The following ELAVL1 variants were observed in gnomAD, a reference collection of about 807,000 sequenced individuals.
The protein encoded by ELAVL1 is ELAV-like protein 1.
ELAVL1 carries 1 observed loss-of-function variant against 28.4 expected under a neutral mutation model. That is an observed-to-expected ratio of 0.04 (90% CI 0.01 to 0.17). The LOEUF (loss-of-function observed/expected upper bound fraction) is 0.17, where lower values mean the gene tolerates loss of function less well. Ranked by LOEUF, ELAVL1 falls within the 10% of genes least tolerant of loss-of-function variation. The probability of loss-of-function intolerance (pLI) is 1.00; values close to 1 mark genes in which losing one functional copy is unlikely to be tolerated. For synonymous variants in ELAVL1, 174 were observed against 183.5 expected, an observed-to-expected ratio of 0.95 and a Z score of 0.42; for missense variants, 157 against 447.2, an observed-to-expected ratio of 0.35 and a Z score of 5.85.
At chr19:7,996,209 T>C (rs1053983934) in intron 1 of ELAVL1, among the ~76,000 whole-genome samples, 28 of 142,888 alleles carry the variant, frequency 2.0e-4, no homozygotes, top group Non-Finnish European at 3.6e-4. Context: ...TGAAATGGAG[T>C]CTTGCTCTGT....
At chr19:8,001,058 G>A (rs1476307744) in intron 1 of ELAVL1, among the ~76,000 whole-genome samples, 1 of 152,236 alleles carries the variant, frequency 6.6e-6, no homozygotes, top group Non-Finnish European at 1.5e-5. Flanking sequence ...CTACTGTGCA[G>A]AAGTCGCTCC....
At chr19:7,991,932 C>CAT in intron 1 of ELAVL1, 101 bp from the exon 2 acceptor site, 4 of 645,906 alleles carry the variant, frequency 6.2e-6, no homozygotes, top group African/African-American at 2.1e-5. Flanking sequence ...TTCTTTCTTT[C>CAT]TTTTTTTTTT....
intron 2 of ELAVL1, among the ~76,000 whole-genome samples, chr19:7,984,297 T>C (rs1985543512): frequency 6.6e-6 from 1 of 152,014 alleles, no homozygotes; most frequent in Admixed American, 6.6e-5. Flanking sequence ...TGGGGGCAAG[T>C]CAGACAACAT....
At chr19:7,971,965 G>A (rs994334806) in intron 4 of ELAVL1, among the ~76,000 whole-genome samples, 1 of 152,238 alleles carries the variant, frequency 6.6e-6, no homozygotes, top group African/African-American at 2.4e-5. Flanking sequence ...CATGAAAGGC[G>A]AGGCTCTGGG....
At chr19:7,965,280 T>C (rs1984926393) in intron 5 of ELAVL1, among the ~76,000 whole-genome samples, 1 of 152,188 alleles carries the variant, frequency 6.6e-6, no homozygotes, top group Admixed American at 6.5e-5. Context: ...GGGTCTATGT[T>C]GTCCAGGCTG....
Position 7,991,842 on chromosome 19 carries a change from A to T in ELAVL1, c.-16-11T>A. On this transcript the variant is annotated splice_polypyrimidine_tract_variant and intron_variant, in intron 1 of 5. Transcript: ENST00000407627. The stretch of plus-strand genomic sequence containing the variant: ...GTATTTTTCAAAAATCTGCCAAGAG[A>T]AAAAGAGCAAGTAAATTCAAAATGT... 1 of 1,577,406 alleles carries T rather than the reference A, an allele frequency of 6.3e-7. No homozygotes were observed. Among genetic ancestry groups the T allele is most frequent in the Non-Finnish European group, 8.6e-7 (1 of 1,157,324 alleles).
At position 7,961,344 on chromosome 19, in the gene ELAVL1, A is replaced by C. The variant is rs1984803353; in HGVS notation, c.*2139T>G. On this transcript the variant is annotated 3_prime_UTR_variant, in exon 6 of 6. Coordinates refer to ENST00000407627, the MANE Select transcript of ELAVL1 (RefSeq NM_001419.3). ...GTGTTGGCTCCCACCTTCCATCAGA[A>C]GGGTGTTGGCTCCCACCTTCCATCA... 1 of 151,736 alleles carries C rather than the reference A, an allele frequency of 6.6e-6. No individual in the cohort carries two copies. The highest frequency in any genetic ancestry group is 1.5e-5 in the Non-Finnish European group (1 of 67,926). 9.4% of individuals were successfully genotyped at this position (151,736 alleles called of 1,614,324 possible). A position where few individuals can be genotyped will look rare whatever the true frequency, so the allele number is the denominator to read the frequency against.
rs1214295916 is a variant in ELAVL1 at position 7,973,720 on chromosome 19, G to A, written c.430+5C>T. ...CTCCCCACGCGTCTGGGGCCCCTCT[G>A]GTACCTGTAGTCTGATCCACGAGGA... On this transcript the variant is annotated splice_donor_5th_base_variant and intron_variant, in intron 4 of 5. Coordinates refer to ENST00000407627, the MANE Select transcript of ELAVL1 (RefSeq NM_001419.3). The A allele has an allele frequency of 2.5e-6, 4 of 1,612,804 alleles. No individual in the cohort carries two copies. Among genetic ancestry groups the A allele is most frequent in the East Asian group, 2.2e-5 (1 of 44,830 alleles).
chr19:8,001,791 G>C lies in ELAVL1; in HGVS notation c.-17+3704C>G, dbSNP rs150668748. Among the ~76,000 whole-genome samples the C allele has an allele frequency of 2.2e-3, 342 of 152,236 alleles. 1 individual carries two copies. The highest frequency in any genetic ancestry group is 7.8e-3 in the African/African-American group (325 of 41,538). On this transcript the variant is annotated intron_variant, in intron 1 of 5. Coordinates refer to ENST00000407627, the MANE Select transcript of ELAVL1 (RefSeq NM_001419.3). ...CAGATGTCTGTTTGACAGGTACCTGGATCCAGTCGCTTCTGAGTAGTCTGC... is the reference window on the plus strand; with the variant it reads ...CAGATGTCTGTTTGACAGGTACCTGCATCCAGTCGCTTCTGAGTAGTCTGC...
intron 1 of ELAVL1, chr19:8,002,227 C>T: frequency 2.2e-6 from 2 of 894,886 alleles, no homozygotes; most frequent in Non-Finnish European, 3.2e-6. Context: ...AAAGCCCCAC[C>T]CTATTGTCTT....
At chr19:7,988,843 C>T (rs979009368) in intron 2 of ELAVL1, among the ~76,000 whole-genome samples, 4 of 152,192 alleles carry the variant, frequency 2.6e-5, no homozygotes, top group African/African-American at 9.7e-5. Flanking sequence ...CCTTTCAAGA[C>T]ACTCGAAGCC....
At chr19:7,989,846 T>A (rs188874395) in intron 2 of ELAVL1, among the ~76,000 whole-genome samples, 2 of 152,336 alleles carry the variant, frequency 1.3e-5, no homozygotes, top group East Asian at 3.9e-4. Context: ...AGTGCCTGCA[T>A]CTGAAGAGCT....
chr19:8,005,297 G>A (rs2081083482), intron 1 of ELAVL1, among the ~76,000 whole-genome samples, 198 bp downstream of exon 1: 1 of 150,898 alleles, frequency 6.6e-6, no homozygotes, highest in African/African-American at 2.4e-5. Context: ...ATCCGGCCCC[G>A]GGGCCTGTAG....
intron 3 of ELAVL1, among the ~76,000 whole-genome samples, chr19:7,975,351 AGAG>A (rs1278443184): frequency 6.6e-6 from 1 of 152,224 alleles, no homozygotes. Context: ...ATGAAGCCCC[AGAG>A]GAGAAGTGCC....
Position 7,963,417 on chromosome 19 carries a change from A to G in ELAVL1, c.*66T>C. 6.5e-7 allele frequency: 1 copy of G among 1,528,570 alleles called. No individual in the cohort carries two copies. The highest frequency in any genetic ancestry group is 8.8e-7 in the Non-Finnish European group (1 of 1,134,894). 94.7% of individuals were successfully genotyped at this position (1,528,570 alleles called of 1,614,324 possible). On this transcript the variant is annotated 3_prime_UTR_variant, in exon 6 of 6. Coordinates refer to ENST00000407627, the MANE Select transcript of ELAVL1 (RefSeq NM_001419.3). The surrounding 1 kb of genome is among the most constrained non-coding windows in gnomAD (Gnocchi z 4.5). Reference sequence around the variant, plus strand: ...ATTGGCGCAAAATGAGTTGTACACTAACAAGAAAAGTTTCAACTCCTTCAC... The same window carrying G: ...ATTGGCGCAAAATGAGTTGTACACTGACAAGAAAAGTTTCAACTCCTTCAC...
intron 3 of ELAVL1, among the ~76,000 whole-genome samples, chr19:7,978,484 C>T (rs1260934593): frequency 6.6e-6 from 1 of 152,188 alleles, no homozygotes; most frequent in African/African-American, 2.4e-5. Flanking sequence ...GACACCAAAG[C>T]TCCACGGAGC....
rs955584502 is a variant in ELAVL1 at position 7,979,448 on chromosome 19, C to G, written c.276+1635G>C. On this transcript the variant is annotated intron_variant, in intron 3 of 5. Coordinates refer to ENST00000407627, the MANE Select transcript of ELAVL1 (RefSeq NM_001419.3). The surrounding 1 kb of genome is among the most constrained non-coding windows in gnomAD (Gnocchi z 5.4). ...CACACTGGGCACCCGGCTCCTGCAT[C>G]TGAGTAAACGGAACAGCTGTGCAGG... 1.3e-5 allele frequency among the ~76,000 whole-genome samples: 2 copies of G among 152,266 alleles called. No individual in the cohort carries two copies. Among genetic ancestry groups the G allele is most frequent in the African/African-American group, 4.8e-5 (2 of 41,476 alleles).
In ELAVL1 at chr19:7,972,972, C is replaced by T. The variant is rs543700005; in HGVS notation, c.430+753G>A. The T allele has an allele frequency of 5.4e-3, 823 of 151,848 alleles. 5 individuals are homozygous for T. The highest frequency in any genetic ancestry group is 0.014 in the Middle Eastern group (4 of 294). 9.4% of individuals were successfully genotyped at this position (151,848 alleles called of 1,614,324 possible). ...GGATTACAGGCGCCTGCCACCACAC[C>T]TGGCTAATTTTTGTATTTTTAGTAG... On this transcript the variant is annotated intron_variant, in intron 4 of 5. Transcript: ENST00000407627.
At chr19:7,970,445 G>A (rs758440771) in intron 4 of ELAVL1, among the ~76,000 whole-genome samples, 9 of 152,156 alleles carry the variant, frequency 5.9e-5, no homozygotes, top group African/African-American at 1.9e-4. Context: ...ATAAGCCACC[G>A]TGCCCGGCCT....
Sources: gnomAD v4.1 joint callset for allele counts (sites outside exome capture counted in the v4.1 genomes callset) on GRCh38, gnomAD v4.1.1 for gene constraint, Gnocchi (gnomAD v3.1) non-coding constraint, MANE v1.5 for transcripts, NCBI Gene and HGNC (gene_info 2026-07-23, HGNC 2026-07-21) for gene names.